The following RFX7 variants were observed in gnomAD, a reference collection of about 807,000 sequenced individuals.
RFX7 encodes the protein DNA-binding protein RFX7.
A neutral mutation model predicts 111.8 loss-of-function variants in RFX7; 26 were observed. The observed-to-expected ratio is 0.23, with a 90% CI of 0.17 to 0.32. RFX7 has a LOEUF of 0.32. Among genes scored for constraint, RFX7 ranks in the 10% least tolerant of loss-of-function variants. The pLI is 1.00. For missense variants in RFX7, 1,573 were observed against 1,772.9 expected (o/e 0.89, Z 2.02); for synonymous variants, 624 against 624.4 (o/e 1.00, Z 0.01).
chr15:56,241,138 T>C (rs1484846981), intron 2 of RFX7, among the ~76,000 whole-genome samples: 1 of 152,138 alleles, frequency 6.6e-6, no homozygotes. Flanking sequence ...AACAAAAATA[T>C]AAATTTTCAT....
intron 2 of RFX7, among the ~76,000 whole-genome samples, chr15:56,236,750 A>G (rs1310965393): frequency 1.3e-5 from 2 of 152,212 alleles, no homozygotes; most frequent in Non-Finnish European, 2.9e-5. Flanking sequence ...CTATTATGGG[A>G]TAAGGTTAAA....
intron 3 of RFX7, among the ~76,000 whole-genome samples, 184 bp from the exon 4 acceptor site, chr15:56,144,667 A>C (rs1363480150): frequency 3.3e-5 from 5 of 152,138 alleles, no homozygotes; most frequent in Non-Finnish European, 2.9e-5. Context: ...TGCATACAAA[A>C]ATTTAATAAA....
chr15:56,222,785 T>C (rs997654383), intron 2 of RFX7, among the ~76,000 whole-genome samples: 11 of 152,208 alleles, frequency 7.2e-5, no homozygotes, highest in Admixed American at 7.2e-4. Context: ...GCTAATTCCA[T>C]GTCTCTGTCA....
At chr15:56,232,024 T>C (rs965521273) in intron 2 of RFX7, among the ~76,000 whole-genome samples, 1 of 152,212 alleles carries the variant, frequency 6.6e-6, no homozygotes, top group Non-Finnish European at 1.5e-5. Flanking sequence ...GCTCCGCCCC[T>C]GTGGCTTTGC....
At chr15:56,168,785 C>G (rs2042811261) in intron 3 of RFX7, among the ~76,000 whole-genome samples, 1 of 152,158 alleles carries the variant, frequency 6.6e-6, no homozygotes, top group East Asian at 1.9e-4. Context: ...TAGAAGAAAG[C>G]CCGTTTGCCC....
chr15:56,136,988 G>A (rs1297215654), intron 5 of RFX7, among the ~76,000 whole-genome samples: 6 of 150,922 alleles, frequency 4.0e-5, no homozygotes, highest in Admixed American at 3.3e-4. Flanking sequence ...TGGTGGATAA[G>A]CTTTTTGATG....
intron 5 of RFX7, among the ~76,000 whole-genome samples, chr15:56,123,819 G>A (rs1333940698): frequency 1.3e-5 from 2 of 152,162 alleles, no homozygotes; most frequent in South Asian, 4.2e-4. Context: ...GCTGAGTTCT[G>A]CCCACTGTTG....
chr15:56,151,076 C>G (rs764213081), intron 3 of RFX7, among the ~76,000 whole-genome samples: 3 of 152,008 alleles, frequency 2.0e-5, no homozygotes, highest in Non-Finnish European at 4.4e-5. Flanking sequence ...AAGACCAAAT[C>G]TACATTTGAT....
intron 3 of RFX7, among the ~76,000 whole-genome samples, chr15:56,147,658 C>T (rs1264544603): frequency 1.3e-5 from 2 of 151,890 alleles, no homozygotes; most frequent in Non-Finnish European, 2.9e-5. Context: ...ACTGCAAGCT[C>T]CGCCCCCCGG....
At chr15:56,230,320 C>T (rs2043536820) in intron 2 of RFX7, among the ~76,000 whole-genome samples, 1 of 152,162 alleles carries the variant, frequency 6.6e-6, no homozygotes, top group South Asian at 2.1e-4. Flanking sequence ...ATTTGGAACA[C>T]ACATTATTAA....
intron 3 of RFX7, among the ~76,000 whole-genome samples, chr15:56,157,589 T>A (rs1314721254): frequency 6.6e-6 from 1 of 152,178 alleles, no homozygotes; most frequent in Non-Finnish European, 1.5e-5. Flanking sequence ...ACCTAACAAT[T>A]TTTATTTTTG....
chr15:56,181,076 G>A (rs1417029196), intron 2 of RFX7, among the ~76,000 whole-genome samples: 2 of 152,178 alleles, frequency 1.3e-5, no homozygotes, highest in Admixed American at 6.5e-5. Flanking sequence ...TTTTGAAGAT[G>A]ACATTAGTCC....
At position 56,180,739 on chromosome 15, in the gene RFX7, C is replaced by G. The variant is rs1209511114; in HGVS notation, c.162-1436G>C. On this transcript the variant is annotated intron_variant, in intron 2 of 9. Coordinates refer to ENST00000559447, the MANE Select transcript of RFX7 (RefSeq NM_022841.7). ...TGGGCAACACGGTAAAACCCCATATCTACTAAAATACAAAAAAAAAAAAAA... is the reference window on the plus strand; with the variant it reads ...TGGGCAACACGGTAAAACCCCATATGTACTAAAATACAAAAAAAAAAAAAA... Among the ~76,000 whole-genome samples the G allele has an allele frequency of 3.7e-4, 48 of 128,968 alleles. No homozygotes were observed. In the Admixed American group the frequency reaches 3.9e-3, roughly 11 times the overall value. 84.6% of individuals were successfully genotyped at this position (128,968 alleles called of 152,430 possible). A position where few individuals can be genotyped will look rare whatever the true frequency, so the allele number is the denominator to read the frequency against.
chr15:56,208,239 C>T (rs1370388566), intron 2 of RFX7, among the ~76,000 whole-genome samples: 3 of 152,156 alleles, frequency 2.0e-5, no homozygotes, highest in African/African-American at 7.2e-5. Flanking sequence ...CAACCAGAGC[C>T]TATCCTGCTG....
At chr15:56,137,920 T>C (rs1335257703) in intron 5 of RFX7, among the ~76,000 whole-genome samples, 22 of 152,054 alleles carry the variant, frequency 1.4e-4, no homozygotes, top group African/African-American at 2.4e-4. Context: ...TGTAGTTGAG[T>C]GGTTTTGAGT....
chr15:56,171,953 A>G (rs2042849846), intron 3 of RFX7, among the ~76,000 whole-genome samples: 1 of 152,222 alleles, frequency 6.6e-6, no homozygotes, highest in African/African-American at 2.4e-5. Flanking sequence ...TTGGACAAAT[A>G]TAGACAAAAT....
At chr15:56,140,523 C>G (rs2042377474) in intron 5 of RFX7, among the ~76,000 whole-genome samples, 1 of 152,210 alleles carries the variant, frequency 6.6e-6, no homozygotes, top group Admixed American at 6.5e-5. Context: ...GTCTGGCACT[C>G]CCTAGTGAGA....
intron 5 of RFX7, among the ~76,000 whole-genome samples, chr15:56,136,701 C>T (rs184331706): frequency 0.013 from 1,930 of 149,502 alleles, 39 homozygotes; most frequent in Non-Finnish European, 0.018. Flanking sequence ...TGCCAGTTTT[C>T]AAAGGGAATG....
At position 56,091,827 on chromosome 15, in the gene RFX7, T is replaced by C. The variant is rs1295337657; in HGVS notation, c.*1518A>G. 3 of 152,562 alleles carry C rather than the reference T, an allele frequency of 2.0e-5. No homozygotes were observed. The highest frequency in any genetic ancestry group is 4.4e-5 in the Non-Finnish European group (3 of 67,958). The allele number at this position is 152,562 out of a possible 1,614,324, so 9.5% of individuals were successfully genotyped here. A position where few individuals can be genotyped will look rare whatever the true frequency, so the allele number is the denominator to read the frequency against. On this transcript the variant is annotated 3_prime_UTR_variant, in exon 10 of 10. Transcript: ENST00000559447. ...ATGTTAATACCCTACCTTGCAAATTTATTGAACAACAAAACCTTATTAAAC... is the reference window on the plus strand; with the variant it reads ...ATGTTAATACCCTACCTTGCAAATTCATTGAACAACAAAACCTTATTAAAC...
Sources: allele counts gnomAD v4.1 joint callset (sites outside exome capture counted in the v4.1 genomes callset), GRCh38; gene constraint gnomAD v4.1.1; transcripts MANE v1.5; gene names NCBI Gene and HGNC (gene_info 2026-07-23, HGNC 2026-07-21).